The following EPB41L1 variants were observed in gnomAD, a reference collection of about 807,000 sequenced individuals.
The protein encoded by EPB41L1 is band 4.1-like protein 1.
In EPB41L1, 29 loss-of-function variants were observed where a neutral mutation model predicts 97.8. That is an observed-to-expected ratio of 0.30 (90% confidence interval 0.22 to 0.40). The LOEUF (loss-of-function observed/expected upper bound fraction) is 0.40, where lower values mean the gene tolerates loss of function less well. Among genes scored for constraint, EPB41L1 ranks in the 10% least tolerant of loss-of-function variants. The probability of loss-of-function intolerance (pLI) is 1.00; values close to 1 mark genes in which losing one functional copy is unlikely to be tolerated. For missense variants in EPB41L1, 812 were observed against 1,162.3 expected (o/e 0.70, Z 4.38); for synonymous variants, 383 against 459.2 (o/e 0.83, Z 2.12).
chr20:36,147,793 C>T (rs1314953794), intron 2 of EPB41L1, among the ~76,000 whole-genome samples: 1 of 152,160 alleles, frequency 6.6e-6, no homozygotes, highest in African/African-American at 2.4e-5. Flanking sequence ...TGATACTCTC[C>T]AGCTCTCTTC....
intron 21 of EPB41L1, among the ~76,000 whole-genome samples, chr20:36,226,012 G>A (rs1162035652): frequency 3.9e-5 from 6 of 152,114 alleles, no homozygotes; most frequent in Non-Finnish European, 5.9e-5. Context: ...TGTTTATGTT[G>A]CCCTGGCAAG....
At chr20:36,115,508 C>A (rs1327976171) in intron 2 of EPB41L1, among the ~76,000 whole-genome samples, 1 of 152,216 alleles carries the variant, frequency 6.6e-6, no homozygotes, top group Non-Finnish European at 1.5e-5. Flanking sequence ...CATCCATAAA[C>A]CTGCCTGAAA....
chr20:36,108,832 G>T (rs1306123948), intron 1 of EPB41L1, among the ~76,000 whole-genome samples: 2 of 152,184 alleles, frequency 1.3e-5, no homozygotes, highest in African/African-American at 4.8e-5. Context: ...ATTTGGGGAA[G>T]GTTGGGAGGT....
At chr20:36,187,799 G>C in intron 8 of EPB41L1, 36 bp downstream of exon 8, 1 of 1,591,332 alleles carries the variant, frequency 6.3e-7, no homozygotes, top group South Asian at 1.1e-5. Flanking sequence ...TAGTGTCTGG[G>C]TGGTGCCCCC....
Position 36,110,147 on chromosome 20 carries a change from G to A in EPB41L1, c.-64-2279G>A, listed in dbSNP as rs1305666496. ...GTAGAGACGGGGTTTCTCCATGTTG[G>A]TCAGGCTGGTCTCGAACTCCCCACC... On this transcript the variant is annotated intron_variant, in intron 1 of 19. Coordinates refer to the EPB41L1 transcript ENST00000202028. Among the ~76,000 whole-genome samples, 3 of 152,020 alleles carry A rather than the reference G, an allele frequency of 2.0e-5. No homozygotes were observed. The East Asian group carries it at 5.8e-4, about 29-fold the overall frequency.
intron 21 of EPB41L1, among the ~76,000 whole-genome samples, chr20:36,223,419 C>T (rs1270405306): frequency 6.6e-6 from 1 of 152,150 alleles, no homozygotes; most frequent in Non-Finnish European, 1.5e-5. Context: ...GCCATCAATG[C>T]TTTGGTGAAT....
At chr20:36,182,497 C>T (rs768063740) in intron 6 of EPB41L1, 150 bp downstream of exon 6, 5 of 824,962 alleles carry the variant, frequency 6.1e-6, no homozygotes, top group South Asian at 2.9e-5. Context: ...CACAGGAAGC[C>T]GACTCATTGT....
chr20:36,130,768 C>T (rs1037873738), intron 2 of EPB41L1, among the ~76,000 whole-genome samples: 4 of 151,186 alleles, frequency 2.6e-5, no homozygotes, highest in African/African-American at 4.9e-5. Flanking sequence ...CTCTCTCTCT[C>T]TATTTGATTT....
rs80266494 is a variant in EPB41L1 at position 36,100,590 on chromosome 20, C to T, written c.-65+8978C>T. Among the ~76,000 whole-genome samples, 1,649 of 152,284 alleles carry T rather than the reference C, an allele frequency of 0.011. 64 individuals carry two copies. The East Asian group carries it at 0.13, about 12-fold the overall frequency. On this transcript the variant is annotated intron_variant, in intron 1 of 19. Coordinates refer to the EPB41L1 transcript ENST00000202028. ...CAAGTGAGGCAGAGATGATGATCCC[C>T]GTCGTATTACAGGAGGCTAAATAAC...
chr20:36,213,896 G>A (rs558979304), intron 16 of EPB41L1, among the ~76,000 whole-genome samples: 1 of 152,236 alleles, frequency 6.6e-6, no homozygotes, highest in African/African-American at 2.4e-5. Context: ...ATCACTCCTT[G>A]TTGGCATACA....
chr20:36,164,977 C>T (rs375138454), intron 1 of EPB41L1, among the ~76,000 whole-genome samples: 3 of 151,900 alleles, frequency 2.0e-5, no homozygotes, highest in African/African-American at 7.3e-5. Context: ...TGAGCCACTG[C>T]GCCTGGCTAT....
Position 36,190,232 on chromosome 20 carries a change from A to T in EPB41L1, c.1027-45A>T. 1 of 1,461,496 alleles carries T rather than the reference A, an allele frequency of 6.8e-7. No homozygotes were observed. 90.5% of individuals were successfully genotyped at this position (1,461,496 alleles called of 1,614,324 possible). ...ACACAAAGAATGGGCTAGTGGCGAG[A>T]GTGAGCTCAGGCCCTGCCTCTAACC... On this transcript the variant is annotated intron_variant, in intron 9 of 21. Transcript: ENST00000338074. The surrounding 1 kb of genome is among the most constrained non-coding windows in gnomAD (Gnocchi z 5.8).
chr20:36,195,198 C>A lies in EPB41L1; in HGVS notation c.1450-131C>A. ...ACTGCCCTGCTGGTGGCCCACCCAGCTGCCCTGGCCTCCACTTGGTCGAGT... is the reference window on the plus strand; with the variant it reads ...ACTGCCCTGCTGGTGGCCCACCCAGATGCCCTGGCCTCCACTTGGTCGAGT... On this transcript the variant is annotated intron_variant, in intron 12 of 21. Coordinates refer to ENST00000338074, the MANE Select transcript of EPB41L1 (RefSeq NM_012156.2). This position sits in a 1 kb window ranked among gnomAD's most constrained non-coding sequence, Gnocchi z 4.6. 9.3e-7 allele frequency: 1 copy of A among 1,073,564 alleles called. No homozygotes were observed. Among genetic ancestry groups the A allele is most frequent in the Non-Finnish European group, 1.4e-6 (1 of 708,614 alleles). The allele number at this position is 1,073,564 out of a possible 1,614,324, so 66.5% of individuals were successfully genotyped here. A position where few individuals can be genotyped will look rare whatever the true frequency, so the allele number is the denominator to read the frequency against.
chr20:36,198,099 T>C, intron 14 of EPB41L1, 58 bp downstream of exon 14: 8 of 1,501,378 alleles, frequency 5.3e-6, no homozygotes, highest in South Asian at 1.1e-5. Context: ...ATTGGGTTGC[T>C]GCATCCTGAC....
chr20:36,203,278 C>T (rs1406699163), intron 14 of EPB41L1, among the ~76,000 whole-genome samples: 3 of 152,232 alleles, frequency 2.0e-5, no homozygotes, highest in East Asian at 1.9e-4. Flanking sequence ...TGTGATCTTG[C>T]GCATGGCCTC....
chr20:36,150,834 T>A (rs1249440534), upstream of EPB41L1: 6 of 152,234 alleles, frequency 3.9e-5, no homozygotes, highest in African/African-American at 1.4e-4. Flanking sequence ...GAGGCTGTAT[T>A]CAATTCCTCC....
rs140658821 is a variant in EPB41L1, at chr20:36,185,313, A to G, written c.763A>G (p.Met255Val). Residue 255 changes from methionine (M) to valine (V), a missense_variant, in exon 7 of 22, where the codon ATG becomes GTG. Transcript: ENST00000338074. ...NQTRELEERI[M>V]ELHKTYRGMT... is the part of the protein sequence containing the mutation. ...GACCCGGGAGCTGGAGGAGAGGATC[A>G]TGGAGCTGCATAAGACATATAGGTA... 92 of 1,613,252 alleles carry G rather than the reference A, an allele frequency of 5.7e-5. No individual in the cohort carries two copies. Among genetic ancestry groups the G allele is most frequent in the Non-Finnish European group, 7.1e-5 (84 of 1,180,014 alleles).
In EPB41L1 at chr20:36,190,450, AG is replaced by A. The variant is rs1399702038; in HGVS notation, c.1124+77del. 6 of 1,548,854 alleles carry A rather than the reference AG, an allele frequency of 3.9e-6. No individual in the cohort carries two copies. Among genetic ancestry groups the A allele is most frequent in the Non-Finnish European group, 5.3e-6 (6 of 1,130,380 alleles). On this transcript the variant is annotated intron_variant, in intron 10 of 21. Coordinates refer to ENST00000338074, the MANE Select transcript of EPB41L1 (RefSeq NM_012156.2). This position sits in a 1 kb window ranked among gnomAD's most constrained non-coding sequence, Gnocchi z 5.8. ...ATGGAGGGGAGCAGGGGGAGGAGTT[AG>A]TGAGAACTCTAGGAAAGTCCTCCAC...
chr20:36,202,830 A>G (rs930315197), intron 14 of EPB41L1, among the ~76,000 whole-genome samples: 2 of 148,832 alleles, frequency 1.3e-5, no homozygotes, highest in South Asian at 2.1e-4. Context: ...AAAAAAAAAA[A>G]GGCAGGCCCC....
Sources: gnomAD v4.1 joint callset for allele counts (sites outside exome capture counted in the v4.1 genomes callset) on GRCh38, gnomAD v4.1.1 for gene constraint, Gnocchi (gnomAD v3.1) non-coding constraint, MANE v1.5 for transcripts, NCBI Gene and HGNC (gene_info 2026-07-23, HGNC 2026-07-21) for gene names.